Variants in IQSEC3 observed in about 807,000 individuals in gnomAD.
IQSEC3 encodes the protein IQ motif and SEC7 domain-containing protein 3.
IQSEC3 carries 50 observed loss-of-function variants against 105.4 expected under a neutral mutation model. The ratio of observed to expected loss-of-function variants is 0.47; its 90% confidence interval spans 0.38 to 0.60. The LOEUF (loss-of-function observed/expected upper bound fraction) is 0.60, where lower values mean the gene tolerates loss of function less well. Among genes scored for constraint, IQSEC3 ranks in the 20% least tolerant of loss-of-function variants. The pLI is 0.00. For missense variants in IQSEC3, 1,415 were observed against 1,630.0 expected (o/e 0.87, Z 2.27); for synonymous variants, 708 against 746.0 (o/e 0.95, Z 0.83).
intron 5 of IQSEC3, among the ~76,000 whole-genome samples, chr12:150,334 T>C (rs1031322460): frequency 4.6e-5 from 7 of 152,230 alleles, no homozygotes; most frequent in African/African-American, 1.4e-4. Flanking sequence ...GGACATTTCA[T>C]CTGAAGAATC....
At chr12:109,770 T>C (rs1864816419) in intron 2 of IQSEC3, among the ~76,000 whole-genome samples, 1 of 152,178 alleles carries the variant, frequency 6.6e-6, no homozygotes, top group South Asian at 2.1e-4. Context: ...TTCTTCCTTT[T>C]GCATTATTTT....
At chr12:83,594 G>A (rs1863820217) in intron 1 of IQSEC3, among the ~76,000 whole-genome samples, 1 of 151,712 alleles carries the variant, frequency 6.6e-6, no homozygotes, top group Admixed American at 6.6e-5. Flanking sequence ...GAAGGGAAGG[G>A]GGGCCAGAGG....
chr12:137,171 A>C (rs1865799207), intron 3 of IQSEC3, among the ~76,000 whole-genome samples: 2 of 152,016 alleles, frequency 1.3e-5, no homozygotes, highest in Admixed American at 1.3e-4. Context: ...ACTTTTTAGC[A>C]AATCCACGTT....
chr12:138,068 C>G lies in IQSEC3; in HGVS notation c.904-199C>G, dbSNP rs574142199. ...CACTAGTCCCCAGAACGGACCCCTC[C>G]GTCCTACACCTCTAGGAGTCTTGCC... is the stretch of plus-strand genomic sequence containing the variant. On this transcript the variant is annotated intron_variant, in intron 3 of 13. Coordinates refer to ENST00000538872, the MANE Select transcript of IQSEC3 (RefSeq NM_001170738.2). The surrounding 1 kb of genome is among the most constrained non-coding windows in gnomAD (Gnocchi z 7.1). 6.6e-6 allele frequency among the ~76,000 whole-genome samples: 1 copy of G among 151,996 alleles called. No individual in the cohort carries two copies. The highest frequency in any genetic ancestry group is 1.5e-5 in the Non-Finnish European group (1 of 67,976).
Position 103,486 on chromosome 12 carries a change from C to T in IQSEC3, c.623+4272C>T, listed in dbSNP as rs868958835. On this transcript the variant is annotated intron_variant, in intron 2 of 13. Transcript: ENST00000538872. ...GAGAGGCGGGGCTCAGGAGGGGAGG[C>T]GGGGCTCGGGGGGTAGGTGGGGGCT... is the stretch of plus-strand genomic sequence containing the variant. 3.4e-4 allele frequency among the ~76,000 whole-genome samples: 6 copies of T among 17,584 alleles called. No homozygotes were observed. In the South Asian group the frequency reaches 9.2e-3, roughly 27 times the overall value. The allele number at this position is 17,584 out of a possible 152,430, so 11.5% of individuals were successfully genotyped here.
In IQSEC3 at chr12:100,344, G is replaced by A. The variant is rs529983397; in HGVS notation, c.623+1130G>A. Among the ~76,000 whole-genome samples the A allele has an allele frequency of 1.5e-3, 232 of 152,284 alleles. 1 individual carries two copies. The highest frequency in any genetic ancestry group is 5.3e-3 in the African/African-American group (221 of 41,554). On this transcript the variant is annotated intron_variant, in intron 2 of 13. Coordinates refer to ENST00000538872, the MANE Select transcript of IQSEC3 (RefSeq NM_001170738.2). The stretch of plus-strand genomic sequence containing the variant: ...AGTGCAGCCACAGGAAGCTTAGGGC[G>A]CCGGACTCCTCATGCTCACCATTTT...
At chr12:156,908 G>T (rs1866706827) in intron 5 of IQSEC3, 117 bp from the exon 6 acceptor site, 6 of 1,275,610 alleles carry the variant, frequency 4.7e-6, no homozygotes, top group South Asian at 4.2e-5. Context: ...ACCCCCGGGG[G>T]TGAGTAGCCT....
chr12:169,450 G>C (rs1938853190), intron 12 of IQSEC3, among the ~76,000 whole-genome samples: 2 of 152,136 alleles, frequency 1.3e-5, no homozygotes, highest in Non-Finnish European at 2.9e-5. Flanking sequence ...GACGAGGCGA[G>C]GTCAAGAGAA....
chr12:151,788 G>A (rs1866520025), intron 5 of IQSEC3, among the ~76,000 whole-genome samples: 1 of 152,084 alleles, frequency 6.6e-6, no homozygotes, highest in Admixed American at 6.5e-5. Context: ...GGTCCTTGAA[G>A]CTCCTCCCTG....
At chr12:71,834 T>TC (rs1863332092) in intron 1 of IQSEC3, among the ~76,000 whole-genome samples, 1 of 152,232 alleles carries the variant, frequency 6.6e-6, no homozygotes, top group Non-Finnish European at 1.5e-5. Flanking sequence ...TCTTCCCCTA[T>TC]CCCCAGCAGG....
chr12:71,875 A>C (rs1863333770), intron 1 of IQSEC3, among the ~76,000 whole-genome samples: 1 of 152,292 alleles, frequency 6.6e-6, no homozygotes, highest in Non-Finnish European at 1.5e-5. Flanking sequence ...AAATGGGGCC[A>C]GGATGAAGGC....
chr12:106,250 G>A (rs958222290), intron 2 of IQSEC3, among the ~76,000 whole-genome samples: 37 of 152,356 alleles, frequency 2.4e-4, no homozygotes, highest in Admixed American at 1.6e-3. Flanking sequence ...TTTGAACCAG[G>A]TGCTTGTCAG....
chr12:83,137 G>A (rs898291555), intron 1 of IQSEC3, among the ~76,000 whole-genome samples: 3 of 152,162 alleles, frequency 2.0e-5, no homozygotes, highest in Non-Finnish European at 2.9e-5. Context: ...TGATGAGCTG[G>A]GCTGTACAGG....
chr12:123,448 A>C (rs1865282476), intron 2 of IQSEC3, among the ~76,000 whole-genome samples: 1 of 152,176 alleles, frequency 6.6e-6, no homozygotes, highest in Non-Finnish European at 1.5e-5. Context: ...AAAATAAATA[A>C]ATAATAATTT....
chr12:161,832 C>A, intron 7 of IQSEC3, 94 bp from the exon 8 acceptor site: 1 of 1,341,414 alleles, frequency 7.5e-7, no homozygotes. Context: ...CCCGGGAGCT[C>A]CAGGCTGGAT....
In IQSEC3 at chr12:161,994, G is replaced by A; in HGVS notation, c.2512G>A (p.Glu838Lys). 1 of 1,613,790 alleles carries A rather than the reference G, an allele frequency of 6.2e-7. No individual in the cohort carries two copies. Among genetic ancestry groups the A allele is most frequent in the Non-Finnish European group, 8.5e-7 (1 of 1,179,974 alleles). Residue 838 changes from glutamate (E) to lysine (K), a missense_variant, in exon 8 of 14, where the codon GAG becomes AAG. Around this residue, in one of 6 missense-constraint regions of IQSEC3, gnomAD observed 213 missense variants for 306.2 expected, o/e 0.70. Transcript: ENST00000538872. ...VGIYERIQQKELKSNEDHVTY... is the reference protein window; with the variant it reads ...VGIYERIQQKKLKSNEDHVTY... ...CATCTATGAGAGGATACAGCAGAAGGAGCTCAAGTCCAATGAGGACCACGT... is the reference window on the plus strand; with the variant it reads ...CATCTATGAGAGGATACAGCAGAAGAAGCTCAAGTCCAATGAGGACCACGT...
At position 152,395 on chromosome 12, in the gene IQSEC3, C is replaced by T. The variant is rs1037911627; in HGVS notation, c.2154-4630C>T. 6.6e-6 allele frequency among the ~76,000 whole-genome samples: 1 copy of T among 152,206 alleles called. No individual in the cohort carries two copies. Among genetic ancestry groups the T allele is most frequent in the Non-Finnish European group, 1.5e-5 (1 of 68,038 alleles). On this transcript the variant is annotated intron_variant, in intron 5 of 13. Transcript: ENST00000538872. The surrounding 1 kb of genome is among the most constrained non-coding windows in gnomAD (Gnocchi z 4.8). Reference sequence around the variant, plus strand: ...GGTAAGATCACAGCCCCTAGGAAGACATGCATTAGTGCCAGCCACTGAGCA... The same window carrying T: ...GGTAAGATCACAGCCCCTAGGAAGATATGCATTAGTGCCAGCCACTGAGCA...
intron 1 of IQSEC3, among the ~76,000 whole-genome samples, chr12:98,817 G>A (rs1469604363): frequency 6.6e-6 from 1 of 152,252 alleles, no homozygotes; most frequent in Admixed American, 6.5e-5. Context: ...TAACAGAGCA[G>A]GACATTTGGT....
intron 2 of IQSEC3, among the ~76,000 whole-genome samples, chr12:113,569 T>C (rs1208829044): frequency 6.6e-6 from 1 of 152,150 alleles, no homozygotes; most frequent in Non-Finnish European, 1.5e-5. Context: ...TCCATGTTTA[T>C]ACTGAAGCTT....
Sources: allele counts gnomAD v4.1 joint callset (sites outside exome capture counted in the v4.1 genomes callset), GRCh38; gene constraint gnomAD v4.1.1; regional missense constraint gnomAD v4.1.1; non-coding constraint Gnocchi (gnomAD v3.1); transcripts MANE v1.5; gene names NCBI Gene and HGNC (gene_info 2026-07-23, HGNC 2026-07-21).